The following DLG2 variants were observed in gnomAD, a reference collection of about 807,000 sequenced individuals.
DLG2 encodes the protein disks large homolog 2.
DLG2 carries 45 observed loss-of-function variants against 132.5 expected under a neutral mutation model. The ratio of observed to expected loss-of-function variants is 0.34; its 90% confidence interval spans 0.27 to 0.44. DLG2 has a LOEUF of 0.44. Ranked by LOEUF, DLG2 falls within the 20% of genes least tolerant of loss-of-function variation. The probability of loss-of-function intolerance (pLI) is 1.00; values close to 1 mark genes in which losing one functional copy is unlikely to be tolerated. For missense variants in DLG2, 1,045 were observed against 1,196.9 expected (o/e 0.87, Z 1.87); for synonymous variants, 424 against 419.6 (o/e 1.01, Z -0.13).
chr11:85,037,673 A>T (rs1217116066), intron 6 of DLG2, among the ~76,000 whole-genome samples: 1 of 152,120 alleles, frequency 6.6e-6, no homozygotes, highest in Non-Finnish European at 1.5e-5. Context: ...GTTTTTTTGC[A>T]CTTACTTGAA....
chr11:83,627,113 C>G (rs955115122), intron 19 of DLG2, among the ~76,000 whole-genome samples: 1 of 152,122 alleles, frequency 6.6e-6, no homozygotes, highest in African/African-American at 2.4e-5. Flanking sequence ...CAACATTTAT[C>G]AACGACTTCC....
At chr11:85,422,777 C>T (rs965545325) in intron 3 of DLG2, among the ~76,000 whole-genome samples, 21 of 152,222 alleles carry the variant, frequency 1.4e-4, no homozygotes, top group African/African-American at 4.3e-4. Context: ...AGGCACGAGA[C>T]ACCACACCTG....
intron 5 of DLG2, among the ~76,000 whole-genome samples, chr11:85,122,949 T>TTATATATATATATATATATATTA (rs2074528754): frequency 2.1e-5 from 1 of 48,166 alleles, no homozygotes; most frequent in Admixed American, 3.2e-4. Context: ...TGTATATATA[T>TTATATATATATATATATATATTA]TATATATATA....
At chr11:84,746,916 G>A (rs1355184943) in intron 6 of DLG2, among the ~76,000 whole-genome samples, 1 of 152,114 alleles carries the variant, frequency 6.6e-6, no homozygotes, top group Non-Finnish European at 1.5e-5. Context: ...AAGGAGGTTG[G>A]CATATAGAAG....
rs73511174 is a variant in DLG2 at position 84,626,814 on chromosome 11, C to G, written c.358-92083G>C. Among the ~76,000 whole-genome samples the G allele has an allele frequency of 3.8e-3, 558 of 145,054 alleles. 5 individuals carry two copies. The highest frequency in any genetic ancestry group is 0.014 in the African/African-American group (541 of 39,448). On this transcript the variant is annotated intron_variant, in intron 6 of 27. Transcript: ENST00000376104. ...CCTCCACACCTGCTATATTTATATG[C>G]TCTTTTTGGAAGCCAAGTGGCTCAT...
chr11:85,493,705 GA>G (rs1412557462), intron 3 of DLG2, among the ~76,000 whole-genome samples: 1 of 131,550 alleles, frequency 7.6e-6, no homozygotes, highest in East Asian at 2.5e-4. Flanking sequence ...AGAGGGGAGA[GA>G]AAAGGAGGGG....
At chr11:85,472,112 C>G (rs753270466) in intron 3 of DLG2, among the ~76,000 whole-genome samples, 2 of 152,074 alleles carry the variant, frequency 1.3e-5, no homozygotes, top group Non-Finnish European at 2.9e-5. Flanking sequence ...AAGTCCCTGA[C>G]CAGGGTGAGA....
intron 19 of DLG2, among the ~76,000 whole-genome samples, chr11:83,549,263 GCA>G (rs1302358188): frequency 6.6e-6 from 1 of 152,152 alleles, no homozygotes; most frequent in African/African-American, 2.4e-5. Context: ...GTCAAGGTAA[GCA>G]CATATGAATA....
At chr11:85,310,078 G>A (rs776072826) in intron 3 of DLG2, among the ~76,000 whole-genome samples, 19 of 152,214 alleles carry the variant, frequency 1.2e-4, no homozygotes, top group Admixed American at 9.8e-4. Context: ...AAGTAATTGA[G>A]GAATTAAGAG....
chr11:84,962,816 C>A (rs1367894416), intron 6 of DLG2, among the ~76,000 whole-genome samples: 1 of 152,182 alleles, frequency 6.6e-6, no homozygotes, highest in Non-Finnish European at 1.5e-5. Flanking sequence ...ACTTCTATTT[C>A]TTTCTTTAAT....
At chr11:84,926,761 T>C (rs1332099852) in intron 6 of DLG2, among the ~76,000 whole-genome samples, 1 of 151,884 alleles carries the variant, frequency 6.6e-6, no homozygotes, top group Admixed American at 6.6e-5. Flanking sequence ...AATACAGATA[T>C]AAGGAAGAAG....
At chr11:83,848,015 C>T (rs754369246) in intron 16 of DLG2, among the ~76,000 whole-genome samples, 12 of 151,814 alleles carry the variant, frequency 7.9e-5, no homozygotes, top group Non-Finnish European at 1.6e-4. Flanking sequence ...AAACTTAATT[C>T]TCCTCTTTTT....
intron 9 of DLG2, among the ~76,000 whole-genome samples, chr11:84,129,210 C>A (rs898582796): frequency 6.6e-6 from 1 of 152,040 alleles, no homozygotes; most frequent in Admixed American, 6.6e-5. Flanking sequence ...ACTAAGAAGT[C>A]ATCTACTGAA....
At chr11:85,018,159 T>A (rs1268219140) in intron 6 of DLG2, among the ~76,000 whole-genome samples, 2 of 152,206 alleles carry the variant, frequency 1.3e-5, no homozygotes, top group Admixed American at 6.6e-5. Flanking sequence ...AACTCCCATA[T>A]TCTTGAATAT....
chr11:85,499,627 G>T (rs1200526269), intron 3 of DLG2, among the ~76,000 whole-genome samples: 1 of 152,132 alleles, frequency 6.6e-6, no homozygotes, highest in East Asian at 1.9e-4. Flanking sequence ...CCAAAGCCTG[G>T]CAGAGACACA....
chr11:84,972,874 T>G (rs909184996), intron 6 of DLG2, among the ~76,000 whole-genome samples: 3 of 152,144 alleles, frequency 2.0e-5, no homozygotes. Flanking sequence ...GCAGACTGCC[T>G]GGGTTCAATT....
intron 14 of DLG2, among the ~76,000 whole-genome samples, chr11:83,936,189 A>T (rs2081392266): frequency 1.3e-5 from 2 of 152,234 alleles, no homozygotes; most frequent in East Asian, 3.8e-4. Flanking sequence ...TCTCTACAAG[A>T]GGGTTGAACC....
At chr11:84,400,540 T>A (rs941683112) in intron 7 of DLG2, among the ~76,000 whole-genome samples, 1 of 152,346 alleles carries the variant, frequency 6.6e-6, no homozygotes, top group Middle Eastern at 3.4e-3. Context: ...TAGGCTCCTA[T>A]GCCCACTCTA....
chr11:84,527,893 T>TC (rs2099326301), intron 7 of DLG2, among the ~76,000 whole-genome samples: 25 of 125,654 alleles, frequency 2.0e-4, no homozygotes, highest in African/African-American at 6.0e-4. Context: ...CTCCCTCCCT[T>TC]TCTCTCTCTC....
Sources: allele counts gnomAD v4.1 joint callset (sites outside exome capture counted in the v4.1 genomes callset), GRCh38; gene constraint gnomAD v4.1.1; transcripts MANE v1.5; gene names NCBI Gene and HGNC (gene_info 2026-07-23, HGNC 2026-07-21).